PTPRQ: variants seen among roughly 807,000 people sequenced by gnomAD.
The protein encoded by PTPRQ is phosphatidylinositol phosphatase PTPRQ.
PTPRQ carries 199 observed loss-of-function variants against 246.0 expected under a neutral mutation model. The observed-to-expected ratio is 0.81, with a 90% CI of 0.72 to 0.91. The LOEUF (loss-of-function observed/expected upper bound fraction) is 0.91, where lower values mean the gene tolerates loss of function less well. Ranked by LOEUF, PTPRQ falls within the 40% of genes least tolerant of loss-of-function variation. The pLI, the probability that PTPRQ is intolerant of heterozygous loss-of-function variation, is 0.00. For synonymous variants in PTPRQ, 869 were observed against 853.2 expected (o/e 1.02, Z -0.32); for missense variants, 2,624 against 2,528.4 (o/e 1.04, Z -0.81).
At chr12:80,649,050 A>C (rs1014537567) in intron 36 of PTPRQ, 127 bp downstream of exon 36, 14 of 886,642 alleles carry the variant, frequency 1.6e-5, no homozygotes, top group Non-Finnish European at 2.2e-5. Context: ...CTGGATATAA[A>C]TCATAAAAGC....
At chr12:80,513,163 C>CGGG (rs1209956595) in intron 17 of PTPRQ, among the ~76,000 whole-genome samples, 1 of 152,038 alleles carries the variant, frequency 6.6e-6, no homozygotes, top group South Asian at 2.1e-4. Flanking sequence ...TTCTGTATCC[C>CGGG]GGGGTTTCTT....
chr12:80,548,487 T>C (rs933021129), intron 24 of PTPRQ, among the ~76,000 whole-genome samples: 1 of 152,170 alleles, frequency 6.6e-6, no homozygotes, highest in African/African-American at 2.4e-5. Context: ...TCTCCTTTAG[T>C]ACTGGTGTCT....
At chr12:80,477,586 A>G (rs182614425) in intron 8 of PTPRQ, among the ~76,000 whole-genome samples, 2 of 152,318 alleles carry the variant, frequency 1.3e-5, no homozygotes, top group African/African-American at 2.4e-5. Context: ...ACGACGCAGA[A>G]GACGGGTGAT....
In PTPRQ at chr12:80,652,835, G is replaced by C; in HGVS notation, c.6115+1G>C. 2 of 1,489,368 alleles carry C rather than the reference G, an allele frequency of 1.3e-6. No individual in the cohort carries two copies. The highest frequency in any genetic ancestry group is 1.8e-6 in the Non-Finnish European group (2 of 1,120,096). The allele number at this position is 1,489,368 out of a possible 1,614,324, so 92.3% of individuals were successfully genotyped here. A position where few individuals can be genotyped will look rare whatever the true frequency, so the allele number is the denominator to read the frequency against. ...AACCGCTTCCCAAACATAAAACCAT[G>C]TATGTGCATTTGTTGGTTTTGGTTT... On this transcript the variant is annotated splice_donor_variant, in intron 38 of 44. Coordinates refer to ENST00000644991, the MANE Select transcript of PTPRQ (RefSeq NM_001145026.2). LOFTEE classifies it high-confidence loss of function.
At chr12:80,478,763 A>T (rs1225133760) in intron 8 of PTPRQ, among the ~76,000 whole-genome samples, 1 of 152,202 alleles carries the variant, frequency 6.6e-6, no homozygotes, top group Non-Finnish European at 1.5e-5. Flanking sequence ...ATCAACTGGA[A>T]GAAAGGGTAT....
chr12:80,549,693 G>A lies in PTPRQ; in HGVS notation c.4244G>A (p.Gly1415Asp). ...AGAGCTTCAACCTCAGCTGGTGAAG[G>A]TGATGAAAGCACATGCCATGTCAGC... is the stretch of plus-strand genomic sequence containing the variant. The part of the protein sequence containing the change: ...KVRASTSAGE[G>D]DESTCHVSTL... The change falls in exon 25 of 45, where the codon GGT becomes GAT. Residue 1415 changes from glycine (G) to aspartate (D), a missense_variant. Physicochemically the swap from Gly to Asp is moderately conservative, Grantham distance 94. Transcript: ENST00000644991. The A allele has an allele frequency of 6.4e-7, 1 of 1,550,934 alleles. No individual in the cohort carries two copies.
Position 80,621,980 on chromosome 12 carries a change from T to G in PTPRQ, c.5613-81T>G. 3 of 997,094 alleles carry G rather than the reference T, an allele frequency of 3.0e-6. No individual in the cohort carries two copies. The South Asian group carries it at 6.4e-5, about 21-fold the overall frequency. 61.8% of individuals were successfully genotyped at this position (997,094 alleles called of 1,614,324 possible). The stretch of plus-strand genomic sequence containing the variant: ...TTTTCTTTTGAATTAAATAAATAGT[T>G]TTTATAATTACTTCTTGAGTTATTC... On this transcript the variant is annotated intron_variant, in intron 32 of 44. Transcript: ENST00000644991.
chr12:80,559,258 A>G (rs919158049), intron 25 of PTPRQ, among the ~76,000 whole-genome samples: 2 of 152,006 alleles, frequency 1.3e-5, no homozygotes, highest in African/African-American at 4.8e-5. Flanking sequence ...GTTACCCAGG[A>G]TGGTCTCAAT....
intron 16 of PTPRQ, among the ~76,000 whole-genome samples, chr12:80,506,886 G>T (rs1169586593): frequency 6.6e-6 from 1 of 151,918 alleles, no homozygotes; most frequent in Non-Finnish European, 1.5e-5. Flanking sequence ...TTTATTTTCT[G>T]AAGTCATCAG....
At chr12:80,519,220 C>G (rs531650047) in intron 17 of PTPRQ, among the ~76,000 whole-genome samples, 3 of 151,920 alleles carry the variant, frequency 2.0e-5, no homozygotes, top group Non-Finnish European at 4.4e-5. Flanking sequence ...TTATTTTAAA[C>G]GAAACTTTTT....
intron 8 of PTPRQ, among the ~76,000 whole-genome samples, chr12:80,478,220 C>T (rs1256045252): frequency 6.7e-6 from 1 of 149,944 alleles, no homozygotes; most frequent in Non-Finnish European, 1.5e-5. Flanking sequence ...GGGTCCCTGA[C>T]CCCTGACCCC....
At chr12:80,655,558 C>T (rs1325677184) in intron 38 of PTPRQ, among the ~76,000 whole-genome samples, 2 of 151,646 alleles carry the variant, frequency 1.3e-5, no homozygotes, top group South Asian at 2.1e-4. Context: ...CAAGTATACC[C>T]CCGGTTCTCT....
rs1218995211 is a variant in PTPRQ at position 80,549,539 on chromosome 12, A to C, written c.4090A>C (p.Lys1364Gln). ...AGTTTTAGTGAAATGGGATCCACCC[A>C]AAAAGGCAAATGGAATAATAACGCA... ...QSVLVKWDPPKKANGIITQYM... is the reference protein window; with the variant it reads ...QSVLVKWDPPQKANGIITQYM... Residue 1364 changes from lysine to glutamine, a missense_variant, in exon 25 of 45, where the codon AAA (lysine) becomes CAA (glutamine). Physicochemically the swap from Lys to Gln is moderately conservative, Grantham distance 53. Transcript: ENST00000644991. The C allele has an allele frequency of 2.6e-6, 4 of 1,551,010 alleles. No homozygotes were observed. Among genetic ancestry groups the C allele is most frequent in the East Asian group, 4.9e-5 (2 of 40,926 alleles).
chr12:80,597,764 C>T (rs985127979), intron 26 of PTPRQ, among the ~76,000 whole-genome samples: 2 of 151,928 alleles, frequency 1.3e-5, no homozygotes, highest in Admixed American at 6.6e-5. Flanking sequence ...TTACTAAGCC[C>T]CACACTCACG....
At chr12:80,674,092 A>G (rs924923955) in intron 43 of PTPRQ, among the ~76,000 whole-genome samples, 1 of 152,168 alleles carries the variant, frequency 6.6e-6, no homozygotes, top group Non-Finnish European at 1.5e-5. Flanking sequence ...AATATTACTG[A>G]TAAGTGCCAG....
chr12:80,450,662 T>G (rs1892730761), intron 3 of PTPRQ, among the ~76,000 whole-genome samples: 1 of 152,246 alleles, frequency 6.6e-6, no homozygotes, highest in African/African-American at 2.4e-5. Context: ...TTGATTTTGT[T>G]TATGTGCTAG....
chr12:80,525,246 A>C (rs955696166), intron 17 of PTPRQ, among the ~76,000 whole-genome samples: 1 of 152,202 alleles, frequency 6.6e-6, no homozygotes, highest in Non-Finnish European at 1.5e-5. Context: ...ATAAGGGAAC[A>C]GGTCAAGATT....
chr12:80,620,877 G>A (rs1368843890), intron 32 of PTPRQ, among the ~76,000 whole-genome samples: 1 of 151,606 alleles, frequency 6.6e-6, no homozygotes, highest in Non-Finnish European at 1.5e-5. Context: ...TTAATATTTA[G>A]CTTTTTGTAG....
intron 17 of PTPRQ, among the ~76,000 whole-genome samples, chr12:80,522,305 C>A (rs1895522901): frequency 6.6e-6 from 1 of 152,196 alleles, no homozygotes; most frequent in African/African-American, 2.4e-5. Context: ...ATGTCATCTG[C>A]AAACAGGGAC....
Sources: allele counts gnomAD v4.1 joint callset (sites outside exome capture counted in the v4.1 genomes callset), GRCh38; gene constraint gnomAD v4.1.1; transcripts MANE v1.5; gene names NCBI Gene and HGNC (gene_info 2026-07-23, HGNC 2026-07-21).